Variants in AQP4 observed in about 807,000 individuals in gnomAD.
The protein encoded by AQP4 is aquaporin-4.
A neutral mutation model predicts 27.8 loss-of-function variants in AQP4; 18 were observed. The ratio of observed to expected loss-of-function variants is 0.65; its 90% CI spans 0.45 to 0.96. AQP4 has a LOEUF of 0.96. Among genes scored for constraint, AQP4 ranks in the 40% least tolerant of loss-of-function variants. The pLI is 0.00. For synonymous variants in AQP4, 141 were observed against 142.9 expected (o/e 0.99, Z 0.10); for missense variants, 412 against 408.2 (o/e 1.01, Z -0.08).
Position 26,855,755 on chromosome 18 carries a change from C to G in AQP4, c.*456G>C, listed in dbSNP as rs1280811509. On this transcript the variant is annotated 3_prime_UTR_variant, in exon 5 of 5. Transcript: ENST00000383168. ...CATAAAAGAACTTGTTATATTTTCT[C>G]TCTTGAATGTGCATGACTGTGACAT... 3 of 195,436 alleles carry G rather than the reference C, an allele frequency of 1.5e-5. No homozygotes were observed. The highest frequency in any genetic ancestry group is 1.1e-5 in the Non-Finnish European group (1 of 93,662). The allele number at this position is 195,436 out of a possible 1,614,324, so 12.1% of individuals were successfully genotyped here. A position where few individuals can be genotyped will look rare whatever the true frequency, so the allele number is the denominator to read the frequency against.
chr18:26,858,285 A>G (rs571189149), intron 4 of AQP4, among the ~76,000 whole-genome samples: 2 of 152,286 alleles, frequency 1.3e-5, no homozygotes, highest in African/African-American at 4.8e-5. Context: ...AAAAAAGAAA[A>G]AAACAAACAA....
intron 3 of AQP4, 75 bp downstream of exon 3, chr18:26,861,056 C>T: frequency 1.3e-6 from 2 of 1,570,688 alleles, no homozygotes; most frequent in Non-Finnish European, 1.8e-6. Context: ...TGCTGTAAAA[C>T]ACAACATCTT....
intron 1 of AQP4, among the ~76,000 whole-genome samples, chr18:26,864,749 G>A (rs796999625): frequency 4.6e-5 from 7 of 152,202 alleles, no homozygotes; most frequent in African/African-American, 1.7e-4. Flanking sequence ...GAAGGAGGAG[G>A]ACAAAACAGT....
chr18:26,859,518 C>T (rs750502023), intron 4 of AQP4, among the ~76,000 whole-genome samples: 10 of 152,166 alleles, frequency 6.6e-5, no homozygotes, highest in Non-Finnish European at 1.3e-4. Flanking sequence ...AAGACTCCAT[C>T]TCAAAAAGAA....
At chr18:26,858,719 C>T (rs1010681252) in intron 4 of AQP4, among the ~76,000 whole-genome samples, 2 of 152,164 alleles carry the variant, frequency 1.3e-5, no homozygotes, top group Admixed American at 6.5e-5. Context: ...TAATTACTAC[C>T]CTTTCCAAAA....
intron 1 of AQP4, among the ~76,000 whole-genome samples, chr18:26,864,009 A>G (rs942320095): frequency 1.3e-5 from 2 of 150,842 alleles, no homozygotes; most frequent in African/African-American, 4.9e-5. Flanking sequence ...GGGGGGGGCA[A>G]TTACCCCAGT....
At chr18:26,859,157 A>G (rs1410810082) in intron 4 of AQP4, among the ~76,000 whole-genome samples, 2 of 152,376 alleles carry the variant, frequency 1.3e-5, no homozygotes, top group East Asian at 3.9e-4. Context: ...GTGCTTATAA[A>G]TTTAACTAAA....
rs1279838602 is a variant in AQP4 at position 26,862,226 on chromosome 18, G to C, written c.403C>G (p.Leu135Val). 2 of 1,614,192 alleles carry C rather than the reference G, an allele frequency of 1.2e-6. No homozygotes were observed. The highest frequency in any genetic ancestry group is 1.7e-6 in the Non-Finnish European group (2 of 1,180,036). ...CCCACCACACTGGGAGGTGTGACCA[G>C]ATAGAGGATTCCTGCTCCAATGATG... ...GAIIGAGILY[L>V]VTPPSVVGGL... is the part of the protein sequence containing the mutation. The change falls in exon 2 of 5, where the codon CTG becomes GTG. Residue 135 changes from leucine to valine, a missense_variant. Leu to Val is a conservative substitution (Grantham distance 32). Coordinates refer to ENST00000383168, the MANE Select transcript of AQP4 (RefSeq NM_001650.7).
chr18:26,861,055 A>G (rs2054932526), intron 3 of AQP4, 76 bp downstream of exon 3: 2 of 1,568,880 alleles, frequency 1.3e-6, no homozygotes, highest in Non-Finnish European at 1.8e-6. Flanking sequence ...CTGCTGTAAA[A>G]CACAACATCT....
Position 26,852,574 on chromosome 18 carries a change from T to G in AQP4, c.*3637A>C, listed in dbSNP as rs2054770211. The G allele has an allele frequency of 2.8e-6, 1 of 362,588 alleles. No homozygotes were observed. The highest frequency in any genetic ancestry group is 4.9e-6 in the Non-Finnish European group (1 of 203,796). The allele number at this position is 362,588 out of a possible 1,614,324, so 22.5% of individuals were successfully genotyped here. ...TTTTGATCCTTGAATTAAATGTCTT[T>G]CATTTATTTCAGAGAATTATGAGTT... On this transcript the variant is annotated 3_prime_UTR_variant, in exon 5 of 5. Coordinates refer to ENST00000383168, the MANE Select transcript of AQP4 (RefSeq NM_001650.7).
At position 26,852,851 on chromosome 18, in the gene AQP4, C is replaced by T; in HGVS notation, c.*3360G>A. On this transcript the variant is annotated 3_prime_UTR_variant, in exon 5 of 5. Coordinates refer to ENST00000383168, the MANE Select transcript of AQP4 (RefSeq NM_001650.7). ...TTGTTTGATAAGGTTGTCTGTGCCCCCCAGACTTCCATCTTCAGTTGCCAC... is the reference window on the plus strand; with the variant it reads ...TTGTTTGATAAGGTTGTCTGTGCCCTCCAGACTTCCATCTTCAGTTGCCAC... 2.5e-6 allele frequency: 1 copy of T among 398,476 alleles called. No individual in the cohort carries two copies. The highest frequency in any genetic ancestry group is 4.4e-6 in the Non-Finnish European group (1 of 226,004). The allele number at this position is 398,476 out of a possible 1,614,324, so 24.7% of individuals were successfully genotyped here.
chr18:26,857,445 G>A (rs1363525267), intron 4 of AQP4, among the ~76,000 whole-genome samples: 1 of 151,974 alleles, frequency 6.6e-6, no homozygotes, highest in Non-Finnish European at 1.5e-5. Context: ...TCCTGCCTCA[G>A]CCTCCTGAGT....
chr18:26,852,425 A>T lies in AQP4; in HGVS notation c.*3786T>A, dbSNP rs1180658076. The T allele has an allele frequency of 6.2e-6, 1 of 161,202 alleles. No individual in the cohort carries two copies. The highest frequency in any genetic ancestry group is 1.3e-5 in the Non-Finnish European group (1 of 74,234). 10.0% of individuals were successfully genotyped at this position (161,202 alleles called of 1,614,324 possible). ...ATTAGACGTATTTTTTAGCTCTTCG[A>T]TTTTTTTTAAACATGAGTGAGTCAC... On this transcript the variant is annotated 3_prime_UTR_variant, in exon 5 of 5. Transcript: ENST00000383168.
rs912795904 is a variant in AQP4, at chr18:26,854,081, G to GA, written c.*2129dup. 4 of 152,014 alleles carry GA rather than the reference G, an allele frequency of 2.6e-5. No homozygotes were observed. Among genetic ancestry groups the GA allele is most frequent in the Non-Finnish European group, 5.9e-5 (4 of 67,994 alleles). The allele number at this position is 152,014 out of a possible 1,614,324, so 9.4% of individuals were successfully genotyped here. A position where few individuals can be genotyped will look rare whatever the true frequency, so the allele number is the denominator to read the frequency against. ...GTGCCAGGCTCTCTGCTAGCTACTA[G>GA]AAAACAAATTACAAAAACACCATTC... On this transcript the variant is annotated 3_prime_UTR_variant, in exon 5 of 5. Coordinates refer to ENST00000383168, the MANE Select transcript of AQP4 (RefSeq NM_001650.7).
chr18:26,855,306 A>C lies in AQP4; in HGVS notation c.*905T>G, dbSNP rs1360953717. The C allele has an allele frequency of 6.6e-6, 1 of 152,138 alleles. No individual in the cohort carries two copies. Among genetic ancestry groups the C allele is most frequent in the Non-Finnish European group, 1.5e-5 (1 of 68,006 alleles). The allele number at this position is 152,138 out of a possible 1,614,324, so 9.4% of individuals were successfully genotyped here. ...AACAAAATCCCCAGTTTTGCCAATA[A>C]ATTTTTTAAAAATAAGCAAAGTGGT... On this transcript the variant is annotated 3_prime_UTR_variant, in exon 5 of 5. Transcript: ENST00000383168.
Position 26,865,701 on chromosome 18 carries a change from C to T in AQP4, c.-12G>A. On this transcript the variant is annotated 5_prime_UTR_variant, in exon 1 of 5. Transcript: ENST00000383168. ...GGTCTGTCACTCATGCCTTCCCCAGCCAGAGTGCAGCTCTCATTGCCTGCC... is the reference window on the plus strand; with the variant it reads ...GGTCTGTCACTCATGCCTTCCCCAGTCAGAGTGCAGCTCTCATTGCCTGCC... 6.2e-7 allele frequency: 1 copy of T among 1,614,212 alleles called. No individual in the cohort carries two copies. Among genetic ancestry groups the T allele is most frequent in the Middle Eastern group, 1.6e-4 (1 of 6,062 alleles).
In AQP4 at chr18:26,852,526, T is replaced by C; in HGVS notation, c.*3685A>G. On this transcript the variant is annotated 3_prime_UTR_variant, in exon 5 of 5. Coordinates refer to ENST00000383168, the MANE Select transcript of AQP4 (RefSeq NM_001650.7). ...ATGTATTTTCACAGGCTATAGGTAG[T>C]CATTTGCAAAGATGGCCACAATTTT... 3.4e-6 allele frequency: 1 copy of C among 292,328 alleles called. No homozygotes were observed. The highest frequency in any genetic ancestry group is 1.6e-4 in the South Asian group (1 of 6,152). 18.1% of individuals were successfully genotyped at this position (292,328 alleles called of 1,614,324 possible). A position where few individuals can be genotyped will look rare whatever the true frequency, so the allele number is the denominator to read the frequency against.
chr18:26,857,717 G>T (rs2054869652), intron 4 of AQP4, among the ~76,000 whole-genome samples: 1 of 152,342 alleles, frequency 6.6e-6, no homozygotes, highest in African/African-American at 2.4e-5. Context: ...CATGTGTGCT[G>T]TAGAATATTA....
chr18:26,864,866 C>T (rs1214781187), intron 1 of AQP4, among the ~76,000 whole-genome samples: 2 of 152,090 alleles, frequency 1.3e-5, no homozygotes, highest in African/African-American at 2.4e-5. Context: ...CCCCCTTCAC[C>T]TCTCACTTCT....
Sources: allele counts gnomAD v4.1 joint callset (sites outside exome capture counted in the v4.1 genomes callset), GRCh38; gene constraint gnomAD v4.1.1; transcripts MANE v1.5; gene names NCBI Gene and HGNC (gene_info 2026-07-23, HGNC 2026-07-21).